UTY: variants seen among roughly 807,000 people sequenced by gnomAD.
UTY encodes ubiquitously transcribed tetratricopeptide repeat containing, Y-linked.
In UTY, 12 loss-of-function variants were observed where a neutral mutation model predicts 32.5. That is an observed-to-expected ratio of 0.37 (90% CI 0.24 to 0.60). The LOEUF (loss-of-function observed/expected upper bound fraction) is 0.60. Among genes scored for constraint, UTY ranks in the 20% least tolerant of loss-of-function variants. The pLI, the probability that UTY is intolerant of heterozygous loss-of-function variation, is 0.69. For synonymous variants in UTY, 131 were observed against 103.4 expected (o/e 1.27, Z -1.62); for missense variants, 303 against 299.2 (o/e 1.01, Z -0.09).
intron 28 of UTY, among the ~76,000 whole-genome samples, chrY:13,258,316 T>C: frequency 8.9e-5 from 3 of 33,707 alleles, no homozygotes; most frequent in Non-Finnish European, 2.2e-4. Context: ...TCTCAGTCTG[T>C]GTGCCATGGC....
chrY:13,427,524 C>G, intron 4 of UTY, among the ~76,000 whole-genome samples: 2 of 33,109 alleles, frequency 6.0e-5, no homozygotes, highest in South Asian at 1.3e-3. Flanking sequence ...AAATGGAAAA[C>G]AAGGAGGCAA....
intron 4 of UTY, among the ~76,000 whole-genome samples, chrY:13,427,515 A>G: frequency 3.0e-5 from 1 of 33,640 alleles, no homozygotes; most frequent in Non-Finnish European, 7.4e-5. Context: ...ACTCCACAAA[A>G]ATGGAAAACA....
intron 21 of UTY, among the ~76,000 whole-genome samples, chrY:13,316,518 T>C: frequency 3.1e-5 from 1 of 32,282 alleles, no homozygotes; most frequent in Non-Finnish European, 7.5e-5. Context: ...GACCCACCCA[T>C]AGGTAAGTAA....
At chrY:13,236,648 C>T (rs942109014) in intron 28 of UTY, among the ~76,000 whole-genome samples, 5 of 32,977 alleles carry the variant, frequency 1.5e-4, no homozygotes, top group Admixed American at 5.7e-4. Context: ...GTATAATAAT[C>T]AACGACATTT....
At position 13,249,302 on chromosome Y, in the gene UTY, C is replaced by A; in HGVS notation, c.*554G>T. 1 of 41,406 alleles carries A rather than the reference C, an allele frequency of 2.4e-5. No homozygotes were observed. The highest frequency in any genetic ancestry group is 1.1e-4 in the African/African-American group (1 of 8,964). 10.3% of individuals were successfully genotyped at this position (41,406 alleles called of 400,897 possible). ...GTTTATTTCTTTGTCTATGTGCAATCCATTATCTTTGTATATGGGCTATTA... is the reference window on the plus strand; with the variant it reads ...GTTTATTTCTTTGTCTATGTGCAATACATTATCTTTGTATATGGGCTATTA... On this transcript the variant is annotated 3_prime_UTR_variant, in exon 30 of 30. Transcript: ENST00000545955.
chrY:13,294,918 G>A (rs2057943800), intron 27 of UTY, among the ~76,000 whole-genome samples: 5 of 32,249 alleles, frequency 1.6e-4, no homozygotes, highest in Admixed American at 2.8e-4. Flanking sequence ...AAATCAGCCA[G>A]GCATGGTCGT....
At chrY:13,381,043 CTT>C in intron 8 of UTY, among the ~76,000 whole-genome samples, 1 of 34,009 alleles carries the variant, frequency 2.9e-5, no homozygotes, top group East Asian at 7.8e-4. Context: ...AATATAAACA[CTT>C]ATAAAAATTC....
chrY:13,409,282 T>G (rs2070529094), intron 6 of UTY, among the ~76,000 whole-genome samples: 2 of 33,660 alleles, frequency 5.9e-5, no homozygotes, highest in African/African-American at 2.3e-4. Flanking sequence ...TGAAAAATTC[T>G]ATTCTATTTT....
intron 21 of UTY, among the ~76,000 whole-genome samples, chrY:13,311,236 C>T (rs1022924740): frequency 1.2e-4 from 4 of 33,377 alleles, no homozygotes; most frequent in African/African-American, 2.3e-4. Context: ...ACCAACTGAG[C>T]AGAACAGAAA....
At chrY:13,377,046 C>A in intron 8 of UTY, among the ~76,000 whole-genome samples, 1 of 33,589 alleles carries the variant, frequency 3.0e-5, no homozygotes, top group South Asian at 6.6e-4. Flanking sequence ...ACTTCAAATT[C>A]CCTTGAAACA....
At chrY:13,438,083 G>C (rs940597053) in intron 4 of UTY, among the ~76,000 whole-genome samples, 2 of 33,235 alleles carry the variant, frequency 6.0e-5, no homozygotes, top group East Asian at 7.9e-4. Flanking sequence ...CGCCAAATCA[G>C]AATTCTTAGG....
At chrY:13,291,048 A>G (rs2057738579) in intron 27 of UTY, among the ~76,000 whole-genome samples, 1 of 30,511 alleles carries the variant, frequency 3.3e-5, no homozygotes, top group Non-Finnish European at 7.8e-5. Context: ...TACCTGGCCA[A>G]TTTTTTTATT....
At chrY:13,377,060 G>A in intron 8 of UTY, among the ~76,000 whole-genome samples, 1 of 33,521 alleles carries the variant, frequency 3.0e-5, no homozygotes, top group Non-Finnish European at 7.4e-5. Flanking sequence ...TGAAACAAAC[G>A]AAAATGACAA....
intron 8 of UTY, among the ~76,000 whole-genome samples, chrY:13,381,959 ATTG>A (rs2066192639): frequency 3.0e-5 from 1 of 33,533 alleles, no homozygotes; most frequent in Admixed American, 2.7e-4. Context: ...TATACTATTT[ATTG>A]TTATTTTAGA....
At chrY:13,234,357 C>T, downstream of UTY, among the ~76,000 whole-genome samples, 1 of 34,032 alleles carries the variant, frequency 2.9e-5, no homozygotes. Context: ...CTTGGAGACT[C>T]CCGAAACCAC....
chrY:13,421,808 T>C, intron 4 of UTY, among the ~76,000 whole-genome samples: 1 of 32,687 alleles, frequency 3.1e-5, no homozygotes, highest in Non-Finnish European at 7.5e-5. Context: ...AAGATAACTA[T>C]TGGGTACCAG....
intron 4 of UTY, among the ~76,000 whole-genome samples, chrY:13,446,611 T>TAGACAGACAGAC (rs1454640509): frequency 1.2e-4 from 2 of 16,413 alleles, no homozygotes; most frequent in Non-Finnish European, 1.3e-4. Context: ...GATAGATAGA[T>TAGACAGACAGAC]AGATAGATAG....
At chrY:13,460,284 A>G (rs2077236451) in intron 3 of UTY, among the ~76,000 whole-genome samples, 1 of 33,786 alleles carries the variant, frequency 3.0e-5, no homozygotes, top group Admixed American at 2.8e-4. Flanking sequence ...AAAACACTTC[A>G]GAGTTCTATA....
chrY:13,312,081 G>T, intron 21 of UTY, among the ~76,000 whole-genome samples: 1 of 30,976 alleles, frequency 3.2e-5, no homozygotes, highest in East Asian at 8.5e-4. Flanking sequence ...TTATGAAAAG[G>T]GTATGTCTAC....
Sources: gnomAD v4.1 joint callset for allele counts (sites outside exome capture counted in the v4.1 genomes callset) on GRCh38, gnomAD v4.1.1 for gene constraint, MANE v1.5 for transcripts, NCBI Gene and HGNC (gene_info 2026-07-23, HGNC 2026-07-21) for gene names.